Variants in CACNA1E observed in about 807,000 individuals in gnomAD.
CACNA1E encodes calcium voltage-gated channel subunit alpha1 E.
A neutral mutation model predicts 259.2 loss-of-function variants in CACNA1E; 40 were observed. That is an observed-to-expected ratio of 0.15 (90% CI 0.12 to 0.20). The LOEUF is 0.20. CACNA1E is among the 10% of genes least tolerant of loss of function. The pLI, the probability that CACNA1E is intolerant of heterozygous loss-of-function variation, is 1.00. For synonymous variants in CACNA1E, 1,104 were observed against 1,138.5 expected (o/e 0.97, Z 0.61); for missense variants, 1,874 against 3,040.1 (o/e 0.62, Z 9.02).
chr1:181,497,565 T>G (rs562005995), intron 1 of CACNA1E, among the ~76,000 whole-genome samples: 1 of 152,296 alleles, frequency 6.6e-6, no homozygotes, highest in East Asian at 1.9e-4. Flanking sequence ...CTCTACAGTG[T>G]GCTCTAGAGG....
At chr1:181,355,143 G>C (rs186387026) in intron 1 of CACNA1E, among the ~76,000 whole-genome samples, 201 of 152,240 alleles carry the variant, frequency 1.3e-3, no homozygotes, top group Non-Finnish European at 1.9e-3. Context: ...CTGCTTGCCT[G>C]GGTTTGGATC....
At chr1:181,489,083 C>T (rs1664090405) in intron 1 of CACNA1E, among the ~76,000 whole-genome samples, 1 of 152,194 alleles carries the variant, frequency 6.6e-6, no homozygotes, top group Non-Finnish European at 1.5e-5. Context: ...ATGCACAGGG[C>T]TGCCTGGAAA....
At chr1:181,701,293 G>C (rs576163190) in intron 7 of CACNA1E, among the ~76,000 whole-genome samples, 2 of 152,314 alleles carry the variant, frequency 1.3e-5, no homozygotes, top group Admixed American at 1.3e-4. Flanking sequence ...CCTTCTCAGA[G>C]GAGTGCGAAA....
At chr1:181,634,499 CAT>C (rs1279909042) in intron 6 of CACNA1E, among the ~76,000 whole-genome samples, 1 of 152,226 alleles carries the variant, frequency 6.6e-6, no homozygotes, top group Non-Finnish European at 1.5e-5. Flanking sequence ...TGGAAACAAA[CAT>C]AGCAACAGCA....
chr1:181,794,549 C>A (rs930646858), intron 45 of CACNA1E, among the ~76,000 whole-genome samples: 1 of 152,208 alleles, frequency 6.6e-6, no homozygotes, highest in Non-Finnish European at 1.5e-5. Flanking sequence ...AGCCTGGCTG[C>A]GCCCCATGGT....
chr1:181,560,179 T>A (rs1360345440), intron 3 of CACNA1E, among the ~76,000 whole-genome samples: 1 of 152,054 alleles, frequency 6.6e-6, no homozygotes, highest in Admixed American at 6.6e-5. Context: ...GCTCTCAATA[T>A]TTTTGCCAAC....
In CACNA1E at chr1:181,365,056, G is replaced by C. The variant is rs565476482; in HGVS notation, c.-15+46933G>C. Among the ~76,000 whole-genome samples the C allele has an allele frequency of 1.3e-5, 2 of 152,354 alleles. 1 individual carries two copies. The highest frequency in any genetic ancestry group is 1.3e-4 in the Admixed American group (2 of 15,310). The stretch of plus-strand genomic sequence containing the variant: ...TCACCCTGGACATGTCTGGGTAGCA[G>C]CACTGAGCACGTGCTTTGGGAGGTA... On this transcript the variant is annotated intron_variant, in intron 1 of 11. Coordinates refer to the CACNA1E transcript ENST00000524607.
intron 1 of CACNA1E, among the ~76,000 whole-genome samples, chr1:181,335,469 CT>C (rs1169331125): frequency 3.3e-5 from 5 of 152,362 alleles, no homozygotes; most frequent in African/African-American, 9.6e-5. Flanking sequence ...TCAGACTCCT[CT>C]GGTTGCTGGC....
chr1:181,520,752 A>T (rs1401119464), intron 3 of CACNA1E, among the ~76,000 whole-genome samples: 1 of 152,236 alleles, frequency 6.6e-6, no homozygotes, highest in Non-Finnish European at 1.5e-5. Flanking sequence ...AACAACAAAG[A>T]AGTTCCAAGA....
At chr1:181,770,032 G>T (rs1659369052) in intron 35 of CACNA1E, among the ~76,000 whole-genome samples, 2 of 152,078 alleles carry the variant, frequency 1.3e-5, no homozygotes, top group Admixed American at 1.3e-4. Flanking sequence ...GTAGTATTTG[G>T]GTTTTGAAAA....
At chr1:181,416,078 G>A (rs1658251320) in intron 2 of CACNA1E, among the ~76,000 whole-genome samples, 1 of 152,230 alleles carries the variant, frequency 6.6e-6, no homozygotes, top group Admixed American at 6.5e-5. Context: ...GGATTAGTAA[G>A]TGATTGGTGG....
chr1:181,435,374 T>A (rs1660021598), intron 2 of CACNA1E, among the ~76,000 whole-genome samples: 1 of 152,220 alleles, frequency 6.6e-6, no homozygotes, highest in African/African-American at 2.4e-5. Flanking sequence ...TTGCTCCCCC[T>A]ACTGAAAATG....
At chr1:181,544,134 A>G (rs532149331) in intron 3 of CACNA1E, among the ~76,000 whole-genome samples, 49 of 152,332 alleles carry the variant, frequency 3.2e-4, no homozygotes, top group African/African-American at 1.1e-3. Flanking sequence ...CGACAATGAA[A>G]AGCAACAAAG....
chr1:181,710,249 C>T (rs1177476424), intron 7 of CACNA1E, among the ~76,000 whole-genome samples: 5 of 148,594 alleles, frequency 3.4e-5, no homozygotes, highest in Admixed American at 6.7e-5. Context: ...GTCCTTCTCA[C>T]GTCCCTTCCT....
chr1:181,449,453 A>C (rs1661006694), intron 2 of CACNA1E, among the ~76,000 whole-genome samples: 1 of 152,230 alleles, frequency 6.6e-6, no homozygotes, highest in African/African-American at 2.4e-5. Flanking sequence ...CTGGCAGCAC[A>C]CCACAATTCT....
intron 6 of CACNA1E, among the ~76,000 whole-genome samples, chr1:181,646,781 C>G (rs1658304125): frequency 6.6e-6 from 1 of 152,286 alleles, no homozygotes; most frequent in Admixed American, 6.5e-5. Flanking sequence ...AGCATCTCCC[C>G]CAGTCCCCTG....
chr1:181,589,346 G>A (rs533288199), intron 6 of CACNA1E, among the ~76,000 whole-genome samples: 8 of 152,298 alleles, frequency 5.3e-5, no homozygotes, highest in Middle Eastern at 3.4e-3. Context: ...GAGGTCATGC[G>A]TTATTCAATG....
chr1:181,654,787 A>G (rs1659054678), intron 7 of CACNA1E, among the ~76,000 whole-genome samples: 1 of 152,158 alleles, frequency 6.6e-6, no homozygotes, highest in African/African-American at 2.4e-5. Context: ...GATCGAGACC[A>G]TCCTGGCTAA....
intron 6 of CACNA1E, among the ~76,000 whole-genome samples, chr1:181,641,612 T>C (rs1176085488): frequency 6.6e-6 from 1 of 151,916 alleles, no homozygotes; most frequent in Non-Finnish European, 1.5e-5. Flanking sequence ...CTGATTTCAG[T>C]GGTCTTAACC....
Sources: allele counts gnomAD v4.1 joint callset (sites outside exome capture counted in the v4.1 genomes callset), GRCh38; gene constraint gnomAD v4.1.1; transcripts MANE v1.5; gene names NCBI Gene and HGNC (gene_info 2026-07-23, HGNC 2026-07-21).